CADPS2: variants seen among roughly 807,000 people sequenced by gnomAD.
The protein encoded by CADPS2 is calcium-dependent secretion activator 2.
A neutral mutation model predicts 172.5 loss-of-function variants in CADPS2; 93 were observed. The ratio of observed to expected loss-of-function variants is 0.54; its 90% CI spans 0.46 to 0.64. The LOEUF (loss-of-function observed/expected upper bound fraction) is 0.64. Ranked by LOEUF, CADPS2 falls within the 30% of genes least tolerant of loss-of-function variation. The pLI is 0.00. For synonymous variants in CADPS2, 546 were observed against 555.2 expected, an observed-to-expected ratio of 0.98 and a Z score of 0.23; for missense variants, 1,420 against 1,565.9, an observed-to-expected ratio of 0.91 and a Z score of 1.57.
intron 28 of CADPS2, among the ~76,000 whole-genome samples, chr7:122,338,404 AAAC>A (rs1191735601): frequency 6.6e-6 from 1 of 151,656 alleles, no homozygotes; most frequent in Admixed American, 6.6e-5. Flanking sequence ...AGAAAAAAAC[AAAC>A]AAACAAACAA....
In CADPS2 at chr7:122,454,635, G is replaced by A. The variant is rs144103139; in HGVS notation, c.2187-3160C>T. 1.1e-3 allele frequency among the ~76,000 whole-genome samples: 166 copies of A among 152,220 alleles called. 1 individual carries two copies. The highest frequency in any genetic ancestry group is 3.9e-3 in the East Asian group (20 of 5,182). ...ATCAGCAAGTCAGTTAAAGAAGACC[G>A]TAAGAAAGGAAGTCCTAAACCTTGC... On this transcript the variant is annotated intron_variant, in intron 14 of 29. Transcript: ENST00000449022.
At chr7:122,786,729 A>C (rs1794135813) in intron 1 of CADPS2, among the ~76,000 whole-genome samples, 1 of 152,180 alleles carries the variant, frequency 6.6e-6, no homozygotes, top group African/African-American at 2.4e-5. Context: ...AATTGAGTCG[A>C]GGACAATAAA....
chr7:122,849,691 T>C, intron 1 of CADPS2: 1 of 336,162 alleles, frequency 3.0e-6, no homozygotes, highest in Non-Finnish European at 5.8e-6. Context: ...GATTGGGTCT[T>C]TGCATTCAAG....
In CADPS2 at chr7:122,379,410, G is replaced by C; in HGVS notation, c.3345C>G (p.Ile1115Met). ...AAATGATTTCTTTTACACTGTTGTC[G>C]ATCAGATCATCTATTTTTGAATGGT... is the stretch of plus-strand genomic sequence containing the variant. ...QQYHSKIDDLIDNSVKEIISL... is the reference protein window; with the variant it reads ...QQYHSKIDDLMDNSVKEIISL... The change falls in exon 25 of 30, where the codon ATC becomes ATG. Residue 1115 changes from isoleucine to methionine, a missense_variant. By Grantham distance (10) the Ile-to-Met change is conservative. Transcript: ENST00000449022. 1 of 1,602,872 alleles carries C rather than the reference G, an allele frequency of 6.2e-7. No homozygotes were observed. Among genetic ancestry groups the C allele is most frequent in the Non-Finnish European group, 8.5e-7 (1 of 1,171,882 alleles).
chr7:122,662,495 C>T (rs1054235069), intron 3 of CADPS2, among the ~76,000 whole-genome samples: 1 of 151,730 alleles, frequency 6.6e-6, no homozygotes, highest in Non-Finnish European at 1.5e-5. Flanking sequence ...CCTGCCTCAG[C>T]CTCCTGAGTA....
intron 21 of CADPS2, 42 bp from the exon 22 acceptor site, chr7:122,393,357 G>A (rs748522585): frequency 5.6e-6 from 9 of 1,613,496 alleles, no homozygotes; most frequent in Admixed American, 5.0e-5. Context: ...CACCATAAGC[G>A]ATAACTACAG....
At chr7:122,393,369 T>C (rs760414747) in intron 21 of CADPS2, 54 bp from the exon 22 acceptor site, 14 of 1,613,380 alleles carry the variant, frequency 8.7e-6, no homozygotes, top group Non-Finnish European at 1.2e-5. Flanking sequence ...TAACTACAGA[T>C]GGCCATGTGT....
intron 1 of CADPS2, among the ~76,000 whole-genome samples, chr7:122,862,328 C>T (rs959993158): frequency 2.9e-4 from 44 of 152,200 alleles, no homozygotes; most frequent in Non-Finnish European, 6.0e-4. Context: ...TAACAGCTTA[C>T]ATTTTTGCTT....
At chr7:122,505,983 C>A (rs964290992) in intron 9 of CADPS2, among the ~76,000 whole-genome samples, 1 of 152,140 alleles carries the variant, frequency 6.6e-6, no homozygotes, top group Non-Finnish European at 1.5e-5. Context: ...GTTTACTAGC[C>A]AGTTACCAGT....
intron 3 of CADPS2, among the ~76,000 whole-genome samples, chr7:122,645,346 T>G (rs1416297749): frequency 1.5e-5 from 1 of 67,470 alleles, no homozygotes. Context: ...CACATGTACA[T>G]GTGTGTGTAT....
rs1554488207 is a variant in CADPS2, at chr7:122,390,278, G to GA, written c.3009-1541dup. 2.0e-5 allele frequency among the ~76,000 whole-genome samples: 3 copies of GA among 151,834 alleles called. 1 individual carries two copies. The highest frequency in any genetic ancestry group is 4.2e-4 in the South Asian group (2 of 4,818). On this transcript the variant is annotated intron_variant, in intron 22 of 29. Transcript: ENST00000449022. ...ATTCTGATACTACAGTGAAAGTGTT[G>GA]AAAAAAACACTACCTTTATTTCTCC... is the stretch of plus-strand genomic sequence containing the variant.
At chr7:122,613,191 C>G (rs1275712064) in intron 6 of CADPS2, among the ~76,000 whole-genome samples, 1 of 151,976 alleles carries the variant, frequency 6.6e-6, no homozygotes, top group East Asian at 1.9e-4. Flanking sequence ...AATTAAACTT[C>G]ATCAAAATTT....
chr7:122,579,655 A>T (rs1382351353), intron 7 of CADPS2, among the ~76,000 whole-genome samples: 1 of 151,718 alleles, frequency 6.6e-6, no homozygotes, highest in East Asian at 1.9e-4. Context: ...TAAAATTAAT[A>T]TAATAATAGT....
intron 17 of CADPS2, among the ~76,000 whole-genome samples, chr7:122,417,784 C>G (rs566388282): frequency 6.6e-6 from 1 of 152,044 alleles, no homozygotes; most frequent in Non-Finnish European, 1.5e-5. Context: ...GGGGAGACAT[C>G]GGGGGAAGGT....
rs1166732030 is a variant in CADPS2 at position 122,878,002 on chromosome 7, A to G, written c.339+7997T>C. ...GACGCTATACTACTGCACTATTTTT[A>G]AAAAGTGGCACTTTGGGAGGCCGAG... On this transcript the variant is annotated intron_variant, in intron 1 of 29. Coordinates refer to ENST00000449022, the MANE Select transcript of CADPS2 (RefSeq NM_017954.11). 2.4e-5 allele frequency among the ~76,000 whole-genome samples: 3 copies of G among 122,988 alleles called. No individual in the cohort carries two copies. In the East Asian group the frequency reaches 7.5e-4, roughly 31 times the overall value. 80.7% of individuals were successfully genotyped at this position (122,988 alleles called of 152,430 possible). A position where few individuals can be genotyped will look rare whatever the true frequency, so the allele number is the denominator to read the frequency against.
chr7:122,689,491 G>A (rs2084050469), intron 2 of CADPS2, among the ~76,000 whole-genome samples: 1 of 152,188 alleles, frequency 6.6e-6, no homozygotes, highest in Admixed American at 6.5e-5. Context: ...CCTGCTCCAG[G>A]AACAGTTATT....
At chr7:122,708,221 T>C (rs1255030819) in intron 2 of CADPS2, among the ~76,000 whole-genome samples, 2 of 151,658 alleles carry the variant, frequency 1.3e-5, no homozygotes, top group African/African-American at 4.8e-5. Context: ...AATACCCAGC[T>C]TCTAGGACAA....
At chr7:122,410,555 G>T (rs1585746646) in intron 19 of CADPS2, among the ~76,000 whole-genome samples, 1 of 151,428 alleles carries the variant, frequency 6.6e-6, no homozygotes, top group South Asian at 2.1e-4. Context: ...ATACTTGAGT[G>T]ATAACGGTCA....
Position 122,441,045 on chromosome 7 carries a change from T to C in CADPS2, c.2352+467A>G, listed in dbSNP as rs182253669. Among the ~76,000 whole-genome samples, 51 of 152,134 alleles carry C rather than the reference T, an allele frequency of 3.4e-4. No individual in the cohort carries two copies. The East Asian group carries it at 7.9e-3, about 24-fold the overall frequency. ...AATTCATTTAAGGTAACACATACAC[T>C]GGAATAATTGAAAGAAATTCTGAGA... On this transcript the variant is annotated intron_variant, in intron 16 of 29. Transcript: ENST00000449022.
Sources: gnomAD v4.1 joint callset for allele counts (sites outside exome capture counted in the v4.1 genomes callset) on GRCh38, gnomAD v4.1.1 for gene constraint, MANE v1.5 for transcripts, NCBI Gene and HGNC (gene_info 2026-07-23, HGNC 2026-07-21) for gene names.